The following SGCD variants were observed in gnomAD, a reference collection of about 807,000 sequenced individuals.
SGCD encodes the protein delta-sarcoglycan.
SGCD carries 18 observed loss-of-function variants against 36.6 expected under a neutral mutation model. The ratio of observed to expected loss-of-function variants is 0.49; its 90% confidence interval spans 0.34 to 0.73. The LOEUF (loss-of-function observed/expected upper bound fraction) is 0.73, where lower values mean the gene tolerates loss of function less well. Among genes scored for constraint, SGCD ranks in the 30% least tolerant of loss-of-function variants. The pLI is 0.01. For missense variants in SGCD, 387 were observed against 346.7 expected, an observed-to-expected ratio of 1.12 and a Z score of -0.92; for synonymous variants, 133 against 130.6, an observed-to-expected ratio of 1.02 and a Z score of -0.12.
chr5:156,305,755 A>G (rs534821344), intron 3 of SGCD, among the ~76,000 whole-genome samples: 22 of 152,360 alleles, frequency 1.4e-4, no homozygotes, highest in African/African-American at 5.0e-4. Flanking sequence ...GGGAAGCTGT[A>G]TGCTCCAAAA....
intron 1 of SGCD, among the ~76,000 whole-genome samples, chr5:156,106,808 T>C (rs1450713874): frequency 2.0e-5 from 3 of 152,184 alleles, no homozygotes; most frequent in Admixed American, 1.3e-4. Context: ...CTTTCAGTGA[T>C]GTTGAGTATA....
At chr5:156,640,121 G>C (rs1762975520) in intron 6 of SGCD, among the ~76,000 whole-genome samples, 1 of 151,992 alleles carries the variant, frequency 6.6e-6, no homozygotes, top group African/African-American at 2.4e-5. Flanking sequence ...ATTTACAACA[G>C]TTTCTCAGTC....
chr5:156,724,274 T>C lies in SGCD; in HGVS notation c.576-33307T>C, dbSNP rs141742421. ...CATAGGACACCTAGTTACTGTTATGTAACCAATGGAGCAAGATGTAACTGT... is the reference window on the plus strand; with the variant it reads ...CATAGGACACCTAGTTACTGTTATGCAACCAATGGAGCAAGATGTAACTGT... On this transcript the variant is annotated intron_variant, in intron 7 of 8. Transcript: ENST00000337851. Among the ~76,000 whole-genome samples, 55 of 152,266 alleles carry C rather than the reference T, an allele frequency of 3.6e-4. No individual in the cohort carries two copies. In the East Asian group the frequency reaches 9.3e-3, roughly 26 times the overall value.
chr5:156,350,101 G>C (rs1010646751), intron 3 of SGCD, among the ~76,000 whole-genome samples: 1 of 151,128 alleles, frequency 6.6e-6, no homozygotes, highest in Non-Finnish European at 1.5e-5. Flanking sequence ...GGTGGGAAGG[G>C]GATGATGAAG....
chr5:156,331,133 G>A (rs556369046), intron 2 of SGCD, among the ~76,000 whole-genome samples: 123 of 152,310 alleles, frequency 8.1e-4, no homozygotes, highest in Non-Finnish European at 1.3e-3. Flanking sequence ...CAAACAATCA[G>A]CAAAGGAAAG....
At chr5:155,844,456 T>TGTGTGTGTGTGTGTGTG in the SGCD span, among the ~76,000 whole-genome samples, 4 of 148,052 alleles carry the variant, frequency 2.7e-5, no homozygotes, top group Admixed American at 6.7e-5. Flanking sequence ...TGTGTGTGTG[T>TGTGTGTGTGTGTGTGTG]TATAAACAAG....
chr5:156,710,371 T>C (rs1159140835), intron 7 of SGCD, among the ~76,000 whole-genome samples: 1 of 152,142 alleles, frequency 6.6e-6, no homozygotes, highest in Non-Finnish European at 1.5e-5. Context: ...AATACTTCCA[T>C]TTTTCAAATC....
At chr5:156,735,030 GTTTTA>G (rs979723948) in intron 7 of SGCD, among the ~76,000 whole-genome samples, 2 of 151,922 alleles carry the variant, frequency 1.3e-5, no homozygotes, top group African/African-American at 4.8e-5. Flanking sequence ...TTTTTGTTTT[GTTTTA>G]AACAGTCTGG....
chr5:156,450,323 A>G (rs73295151), intron 3 of SGCD, among the ~76,000 whole-genome samples: 1,627 of 152,124 alleles, frequency 0.011, 32 homozygotes, highest in African/African-American at 0.037. Context: ...AAAAATGTGG[A>G]CACATGTTTA....
intron 1 of SGCD, among the ~76,000 whole-genome samples, chr5:156,003,717 T>G (rs528322514): frequency 6.6e-6 from 1 of 152,314 alleles, no homozygotes; most frequent in African/African-American, 2.4e-5. Context: ...TATCTAAATT[T>G]CATTTTGAAA....
intron 3 of SGCD, among the ~76,000 whole-genome samples, chr5:156,439,227 G>A (rs1304178595): frequency 6.6e-6 from 1 of 152,124 alleles, no homozygotes; most frequent in Non-Finnish European, 1.5e-5. Context: ...TTCCATTTGA[G>A]GAAACTGAGT....
intron 3 of SGCD, among the ~76,000 whole-genome samples, chr5:156,370,091 T>A (rs1580885659): frequency 6.6e-6 from 1 of 152,118 alleles, no homozygotes; most frequent in African/African-American, 2.4e-5. Context: ...TCCATAAAGG[T>A]CAGTTGCTTT....
chr5:156,491,516 G>T (rs1755936139), intron 3 of SGCD, among the ~76,000 whole-genome samples: 2 of 152,102 alleles, frequency 1.3e-5, no homozygotes, highest in African/African-American at 4.8e-5. Context: ...GTAGAATAGA[G>T]AATCCCAAAA....
intron 5 of SGCD, among the ~76,000 whole-genome samples, chr5:156,593,748 A>T (rs1209415445): frequency 6.6e-6 from 1 of 152,118 alleles, no homozygotes; most frequent in Non-Finnish European, 1.5e-5. Flanking sequence ...TAATAAACCC[A>T]ATTTGTTCAA....
chr5:156,226,415 C>G (rs1764860681), intron 3 of SGCD, among the ~76,000 whole-genome samples: 1 of 152,096 alleles, frequency 6.6e-6, no homozygotes, highest in African/African-American at 2.4e-5. Context: ...CTTTTTATGG[C>G]TAAGTAGTAT....
Position 156,554,646 on chromosome 5 carries a change from A to T in SGCD, c.295-34585A>T, listed in dbSNP as rs191198882. On this transcript the variant is annotated intron_variant, in intron 4 of 8. Coordinates refer to ENST00000337851, the MANE Select transcript of SGCD (RefSeq NM_000337.6). ...TAAACATGTGCATATAATATATATT[A>T]TATATATATATTATATATCTAAATG... is the stretch of plus-strand genomic sequence containing the variant. 4.6e-3 allele frequency among the ~76,000 whole-genome samples: 688 copies of T among 147,996 alleles called. 4 individuals carry two copies. Among genetic ancestry groups the T allele is most frequent in the African/African-American group, 0.014 (568 of 40,726 alleles).
chr5:156,010,136 T>C (rs1476987183), intron 1 of SGCD, among the ~76,000 whole-genome samples: 1 of 152,190 alleles, frequency 6.6e-6, no homozygotes, highest in Non-Finnish European at 1.5e-5. Flanking sequence ...CAAATGTGTG[T>C]CATTGGTTTC....
chr5:155,796,718 A>G, the SGCD span, among the ~76,000 whole-genome samples: 1 of 148,422 alleles, frequency 6.7e-6, no homozygotes, highest in Non-Finnish European at 1.5e-5. Context: ...AGGCAGGGGA[A>G]TCGCTTGAAC....
intron 3 of SGCD, among the ~76,000 whole-genome samples, chr5:156,472,699 A>G (rs988649666): frequency 2.6e-5 from 4 of 152,228 alleles, no homozygotes; most frequent in African/African-American, 9.6e-5. Context: ...ATGGGATTAC[A>G]GGAGTAAGCC....
Sources: gnomAD v4.1 joint callset for allele counts (sites outside exome capture counted in the v4.1 genomes callset) on GRCh38, gnomAD v4.1.1 for gene constraint, MANE v1.5 for transcripts, NCBI Gene and HGNC (gene_info 2026-07-23, HGNC 2026-07-21) for gene names.